Variants in EML1 observed in about 807,000 individuals in gnomAD.
The protein encoded by EML1 is EMAP like 1.
EML1 carries 27 observed loss-of-function variants against 110.4 expected under a neutral mutation model. The ratio of observed to expected loss-of-function variants is 0.24; its 90% CI spans 0.18 to 0.34. The LOEUF is 0.34. Ranked by LOEUF, EML1 falls within the 10% of genes least tolerant of loss-of-function variation. The pLI is 1.00. For missense variants in EML1, 741 were observed against 1,030.9 expected (o/e 0.72, Z 3.85); for synonymous variants, 344 against 385.8 (o/e 0.89, Z 1.27).
intron 1 of EML1, among the ~76,000 whole-genome samples, chr14:99,759,620 A>G (rs10130992): frequency 5.3e-5 from 8 of 151,866 alleles, no homozygotes; most frequent in Non-Finnish European, 1.2e-4. Flanking sequence ...ACCGTCCTAC[A>G]GTCCAGGCCT....
intron 4 of EML1, among the ~76,000 whole-genome samples, chr14:99,881,022 C>T (rs2059376469): frequency 1.3e-5 from 2 of 152,192 alleles, no homozygotes; most frequent in Admixed American, 1.3e-4. Flanking sequence ...CCGCGTTGCA[C>T]TTGTGTCTAA....
intron 2 of EML1, among the ~76,000 whole-genome samples, chr14:99,860,760 A>G (rs1379487007): frequency 1.3e-5 from 2 of 152,110 alleles, no homozygotes; most frequent in African/African-American, 2.4e-5. Flanking sequence ...GATCTATCCA[A>G]CTTCTCAGTC....
At chr14:99,917,673 A>G (rs1207141948) in intron 15 of EML1, 109 bp from the exon 16 acceptor site, 1 of 1,062,370 alleles carries the variant, frequency 9.4e-7, no homozygotes, top group Non-Finnish European at 1.4e-6. Context: ...ATATAGCCCT[A>G]AGGAATTAGA....
At chr14:99,929,639 C>T (rs1308770091) in intron 17 of EML1, among the ~76,000 whole-genome samples, 1 of 152,192 alleles carries the variant, frequency 6.6e-6, no homozygotes, top group African/African-American at 2.4e-5. Context: ...ATTTTTCCAG[C>T]ATATAGGCTA....
chr14:99,847,578 T>C (rs905811898), intron 1 of EML1, among the ~76,000 whole-genome samples: 1 of 152,156 alleles, frequency 6.6e-6, no homozygotes, highest in Non-Finnish European at 1.5e-5. Context: ...TTTATTTTTT[T>C]ATTAGTTGTT....
At chr14:99,919,704 G>A (rs1048482093) in intron 16 of EML1, among the ~76,000 whole-genome samples, 4 of 152,132 alleles carry the variant, frequency 2.6e-5, no homozygotes, top group Middle Eastern at 3.2e-3. Context: ...CTTAGCTCCC[G>A]ATGCTGTTGA....
chr14:99,858,747 A>T (rs2058949341), intron 2 of EML1, among the ~76,000 whole-genome samples: 1 of 152,366 alleles, frequency 6.6e-6, no homozygotes, highest in South Asian at 2.1e-4. Context: ...TCAGCTAATC[A>T]TCTACTTTGT....
upstream of EML1, among the ~76,000 whole-genome samples, chr14:99,790,613 A>T (rs1464025156): frequency 6.6e-6 from 1 of 152,208 alleles, no homozygotes; most frequent in East Asian, 1.9e-4. Flanking sequence ...GAAGTATAAA[A>T]CTGCAAAGTG....
intron 1 of EML1, among the ~76,000 whole-genome samples, chr14:99,741,262 C>A (rs1283370809): frequency 3.3e-5 from 5 of 152,310 alleles, no homozygotes; most frequent in Non-Finnish European, 4.4e-5. Context: ...TCCTGTGTAA[C>A]CTTCCGCCAG....
chr14:99,851,594 A>T lies in EML1; in HGVS notation c.250+559A>T, dbSNP rs140532422. The stretch of plus-strand genomic sequence containing the variant: ...AGTGCTGGGATTACAGGCGTGAGCC[A>T]CTGCGCCCGGCCGAGAACAGTTCTT... On this transcript the variant is annotated intron_variant, in intron 2 of 21. Transcript: ENST00000262233. Among the ~76,000 whole-genome samples the T allele has an allele frequency of 3.3e-3, 507 of 152,300 alleles. 5 individuals are homozygous for T. Among genetic ancestry groups the T allele is most frequent in the African/African-American group, 0.012 (484 of 41,560 alleles).
chr14:99,888,504 G>A (rs1035906158), intron 4 of EML1, among the ~76,000 whole-genome samples: 2 of 152,226 alleles, frequency 1.3e-5, no homozygotes, highest in Non-Finnish European at 2.9e-5. Flanking sequence ...AATTAGATTT[G>A]CCTCGTAGTC....
chr14:99,803,819 G>A (rs1277774943), intron 1 of EML1, among the ~76,000 whole-genome samples: 1 of 152,190 alleles, frequency 6.6e-6, no homozygotes. Context: ...GTTGAGAAAC[G>A]ATTGAATGGA....
At chr14:99,882,649 T>TAAA (rs199622855) in intron 4 of EML1, among the ~76,000 whole-genome samples, 1 of 127,766 alleles carries the variant, frequency 7.8e-6, no homozygotes, top group Non-Finnish European at 1.6e-5. Context: ...GCTGATGAGC[T>TAAA]AAAAAAAAAA....
chr14:99,815,529 A>G (rs1242787591), intron 1 of EML1, among the ~76,000 whole-genome samples: 5 of 152,172 alleles, frequency 3.3e-5, no homozygotes, highest in Non-Finnish European at 7.3e-5. Flanking sequence ...TTTATTTTAG[A>G]GAAAATTGTA....
intron 1 of EML1, among the ~76,000 whole-genome samples, chr14:99,776,877 T>C (rs888672821): frequency 6.6e-6 from 1 of 152,234 alleles, no homozygotes; most frequent in Admixed American, 6.5e-5. Flanking sequence ...GGATTTATCA[T>C]AGGAAAACTT....
intron 1 of EML1, 97 bp downstream of exon 1, chr14:99,793,640 C>A: frequency 3.3e-6 from 3 of 904,554 alleles, no homozygotes; most frequent in Non-Finnish European, 4.0e-6. Flanking sequence ...CGAGGCCCGG[C>A]GGCCGCGGGC....
intron 1 of EML1, among the ~76,000 whole-genome samples, chr14:99,750,251 C>A (rs921688058): frequency 6.6e-6 from 1 of 152,186 alleles, no homozygotes; most frequent in Non-Finnish European, 1.5e-5. Context: ...CGGAGAGGCT[C>A]CCCTGGTGGC....
intron 1 of EML1, among the ~76,000 whole-genome samples, chr14:99,752,389 C>A (rs2057187504): frequency 6.6e-6 from 1 of 152,210 alleles, no homozygotes; most frequent in Non-Finnish European, 1.5e-5. Flanking sequence ...TGCAGGACGT[C>A]CAGCTGAATT....
chr14:99,893,878 C>T (rs150419453), intron 5 of EML1, among the ~76,000 whole-genome samples: 24 of 152,320 alleles, frequency 1.6e-4, no homozygotes, highest in Middle Eastern at 3.4e-3. Flanking sequence ...CAGAACACCC[C>T]AAGATGTTCT....
Sources: allele counts gnomAD v4.1 joint callset (sites outside exome capture counted in the v4.1 genomes callset), GRCh38; gene constraint gnomAD v4.1.1; transcripts MANE v1.5; gene names NCBI Gene and HGNC (gene_info 2026-07-23, HGNC 2026-07-21).